Variants in UCKL1 observed in about 807,000 individuals in gnomAD.
The protein encoded by UCKL1 is uridine-cytidine kinase 1 like 1.
Under a neutral mutation model 59.2 loss-of-function variants are expected in UCKL1, and 65 were observed. That is an observed-to-expected ratio of 1.10 (90% CI 0.90 to 1.35). UCKL1 has a LOEUF of 1.35. Ranked by LOEUF, UCKL1 falls within the 40% of genes most tolerant of loss-of-function variation. The pLI, the probability that UCKL1 is intolerant of heterozygous loss-of-function variation, is 0.00. For synonymous variants in UCKL1, 410 were observed against 323.1 expected, an observed-to-expected ratio of 1.27 and a Z score of -2.88; for missense variants, 703 against 784.3, an observed-to-expected ratio of 0.90 and a Z score of 1.24.
In UCKL1 at chr20:63,940,904, C is replaced by A. The variant is rs1296420888; in HGVS notation, c.1116+46G>T. ...TCCGGTGAGCGCAGGGAGCTCGCAC[C>A]GGCTCCAAGACCCACCCTCCACCTC... On this transcript the variant is annotated intron_variant, in intron 10 of 14. Coordinates refer to ENST00000354216, the MANE Select transcript of UCKL1 (RefSeq NM_017859.4). 8 of 1,521,394 alleles carry A rather than the reference C, an allele frequency of 5.3e-6. No homozygotes were observed. In the South Asian group the frequency reaches 7.7e-5, roughly 15 times the overall value. The allele number at this position is 1,521,394 out of a possible 1,614,324, so 94.2% of individuals were successfully genotyped here. A position where few individuals can be genotyped will look rare whatever the true frequency, so the allele number is the denominator to read the frequency against.
In UCKL1 at chr20:63,946,145, C is replaced by T; in HGVS notation, c.411+16G>A. ...GAGGACAAAGGGGTCCTCGGGGGAG[C>T]TGGGCGGGGGCCCACCTTGTAGAAG... is the stretch of plus-strand genomic sequence containing the variant. On this transcript the variant is annotated intron_variant, in intron 3 of 14. Transcript: ENST00000354216. The T allele has an allele frequency of 6.2e-7, 1 of 1,610,714 alleles. No individual in the cohort carries two copies. The highest frequency in any genetic ancestry group is 1.3e-5 in the African/African-American group (1 of 75,002).
intron 8 of UCKL1, chr20:63,941,423 G>A (rs752644624): frequency 2.9e-6 from 2 of 686,754 alleles, no homozygotes; most frequent in Non-Finnish European, 2.5e-6. Flanking sequence ...GGCGAACAAC[G>A]GGGCAAGCTC....
rs751426980 is a variant in UCKL1 at position 63,944,741 on chromosome 20, G to C, written c.655-7C>G. ...AGATCTTCATGTCCAGGAGCTGGTGGAGACAGCGGGCCAGTGAGTGGCCAG... is the reference window on the plus strand; with the variant it reads ...AGATCTTCATGTCCAGGAGCTGGTGCAGACAGCGGGCCAGTGAGTGGCCAG... On this transcript the variant is annotated splice_region_variant and splice_polypyrimidine_tract_variant and intron_variant, in intron 5 of 14. Transcript: ENST00000354216. The C allele has an allele frequency of 6.2e-7, 1 of 1,611,956 alleles. No individual in the cohort carries two copies. Among genetic ancestry groups the C allele is most frequent in the South Asian group, 1.1e-5 (1 of 91,020 alleles).
rs532857933 is a variant in UCKL1 at position 63,953,689 on chromosome 20, C to A, written c.113+2571G>T. The A allele has an allele frequency of 2.6e-5, 4 of 151,944 alleles. No homozygotes were observed. The East Asian group carries it at 7.7e-4, about 29-fold the overall frequency. 9.4% of individuals were successfully genotyped at this position (151,944 alleles called of 1,614,324 possible). On this transcript the variant is annotated intron_variant, in intron 1 of 14. Coordinates refer to ENST00000354216, the MANE Select transcript of UCKL1 (RefSeq NM_017859.4). Reference sequence around the variant, plus strand: ...TGCACTCCAGCCCAGGACTCTATCTCCAAAAAAAAAAGAAAGGAAGAAAAA... The same window carrying A: ...TGCACTCCAGCCCAGGACTCTATCTACAAAAAAAAAAGAAAGGAAGAAAAA...
intron 8 of UCKL1, 154 bp from the exon 9 acceptor site, chr20:63,941,362 T>TG (rs1022448438): frequency 9.9e-6 from 12 of 1,213,048 alleles, no homozygotes; most frequent in African/African-American, 3.1e-5. Context: ...GGGGCTGAGC[T>TG]GGGGGGAGAC....
chr20:63,949,240 G>A (rs1316414579), intron 1 of UCKL1, among the ~76,000 whole-genome samples: 1 of 152,196 alleles, frequency 6.6e-6, no homozygotes, highest in Non-Finnish European at 1.5e-5. Flanking sequence ...GTCAGCAGCA[G>A]GGCTGAGCAC....
rs1204960125 is a variant in UCKL1, at chr20:63,946,142, G to T, written c.411+19C>A. The T allele has an allele frequency of 1.2e-6, 2 of 1,610,488 alleles. No individual in the cohort carries two copies. Among genetic ancestry groups the T allele is most frequent in the Admixed American group, 3.3e-5 (2 of 59,840 alleles). ...GGAGAGGACAAAGGGGTCCTCGGGG[G>T]AGCTGGGCGGGGGCCCACCTTGTAG... On this transcript the variant is annotated intron_variant, in intron 3 of 14. Coordinates refer to ENST00000354216, the MANE Select transcript of UCKL1 (RefSeq NM_017859.4).
rs200442949 is a variant in UCKL1, at chr20:63,941,664, CAA to C, written c.924-458_924-457del. 3.2e-3 allele frequency: 702 copies of C among 218,804 alleles called. 2 individuals carry two copies. The highest frequency in any genetic ancestry group is 0.016 in the African/African-American group (668 of 42,134). 13.6% of individuals were successfully genotyped at this position (218,804 alleles called of 1,614,324 possible). ...CTCCCCGAGGTGGTGCGCGGCCCCT[CAA>C]GAGAGGGGGGTGGGGGGCAAAGCTG... On this transcript the variant is annotated intron_variant, in intron 8 of 14. Transcript: ENST00000354216.
chr20:63,948,660 T>C (rs2057028507), intron 1 of UCKL1, among the ~76,000 whole-genome samples: 1 of 68,020 alleles, frequency 1.5e-5, no homozygotes, highest in Non-Finnish European at 3.0e-5. Context: ...GGGAGGGGCG[T>C]GTGTGAGAGG....
intron 5 of UCKL1, among the ~76,000 whole-genome samples, 166 bp from the exon 6 acceptor site, chr20:63,944,900 C>T (rs1427061617): frequency 1.3e-5 from 2 of 150,708 alleles, no homozygotes; most frequent in Admixed American, 6.6e-5. Flanking sequence ...GGTGTCTGCA[C>T]CTGGTCCGTG....
chr20:63,953,116 A>G (rs1228256741), intron 1 of UCKL1, among the ~76,000 whole-genome samples: 3 of 152,248 alleles, frequency 2.0e-5, no homozygotes, highest in Admixed American at 1.3e-4. Flanking sequence ...ACGGTGGCAC[A>G]TGCCTGTAAT....
chr20:63,945,961 C>T lies in UCKL1; in HGVS notation c.426G>A (p.Gln142=). ...MDSFYKVLTE[Q]QQEQAAHNNF... ...TGTTGTGTGCGGCCTGTTCCTGCTG[C>T]TGCTCAGTCAGCACCTGGTGGGGGA... The change falls in exon 4 of 15, where the codon CAG becomes CAA. Residue 142 remains glutamine, a synonymous_variant. Transcript: ENST00000354216. The T allele has an allele frequency of 6.2e-7, 1 of 1,613,820 alleles. No homozygotes were observed. Among genetic ancestry groups the T allele is most frequent in the South Asian group, 1.1e-5 (1 of 91,080 alleles).
intron 1 of UCKL1, among the ~76,000 whole-genome samples, chr20:63,952,149 G>T (rs1257749108): frequency 2.0e-5 from 3 of 152,318 alleles, no homozygotes; most frequent in Admixed American, 2.0e-4. Context: ...CACTTGGGAA[G>T]TGGGCAGGAG....
chr20:63,940,281 A>G lies in UCKL1; in HGVS notation c.1436T>C (p.Ile479Thr). 6.2e-7 allele frequency: 1 copy of G among 1,612,680 alleles called. No homozygotes were observed. The highest frequency in any genetic ancestry group is 8.5e-7 in the Non-Finnish European group (1 of 1,179,968). Residue 479 changes from isoleucine (I) to threonine (T), a missense_variant, in exon 14 of 15, where the codon ATC becomes ACC. Transcript: ENST00000354216. ...TGCCATGAGCAGCGACAGCAAAAAG[A>G]TCTTGTCCTCAGGCACGTCGTGGTC... is the stretch of plus-strand genomic sequence containing the variant. ...LLDHDVPEDK[I>T]FLLSLLMAEM...
chr20:63,940,576 C>T lies in UCKL1; in HGVS notation c.1302+18G>A, dbSNP rs746620326. The T allele has an allele frequency of 6.2e-7, 1 of 1,606,242 alleles. No individual in the cohort carries two copies. The highest frequency in any genetic ancestry group is 1.7e-5 in the Admixed American group (1 of 59,942). On this transcript the variant is annotated intron_variant, in intron 12 of 14. Coordinates refer to ENST00000354216, the MANE Select transcript of UCKL1 (RefSeq NM_017859.4). ...GCCCCCTACCCCCGGGCTCATCACC[C>T]CGGCTGCCCCCAGGCACCTCGGGCT...
intron 1 of UCKL1, among the ~76,000 whole-genome samples, chr20:63,946,951 G>C (rs920797443): frequency 5.9e-5 from 9 of 152,126 alleles, no homozygotes; most frequent in Non-Finnish European, 1.0e-4. Flanking sequence ...GGGTGCGGTG[G>C]TGGGTGCCTG....
rs1332047759 is a variant in UCKL1 at position 63,945,786 on chromosome 20, C to G, written c.582+19G>C. 6.2e-7 allele frequency: 1 copy of G among 1,613,182 alleles called. No homozygotes were observed. The highest frequency in any genetic ancestry group is 1.3e-5 in the African/African-American group (1 of 74,928). On this transcript the variant is annotated intron_variant, in intron 4 of 14. Coordinates refer to ENST00000354216, the MANE Select transcript of UCKL1 (RefSeq NM_017859.4). ...TGCCTGCAGCCCCCCGAGGCCCCCT[C>G]TGCAGGGCCCTGGCCTACCCAGTCC...
At chr20:63,940,517 G>T in intron 12 of UCKL1, 32 bp from the exon 13 acceptor site, 1 of 1,605,288 alleles carries the variant, frequency 6.2e-7, no homozygotes, top group Middle Eastern at 1.7e-4. Flanking sequence ...CTGCAGGTGG[G>T]GCTCCCTGCG....
rs2054248091 is a variant in UCKL1 at position 63,941,048 on chromosome 20, G to A, written c.1023-5C>T. ...TCGCGACTGGTCTCCTTGTCCCTGT[G>A]GGGCCAACAGTTGAGCGGGAGCACG... On this transcript the variant is annotated splice_polypyrimidine_tract_variant and splice_region_variant and intron_variant, in intron 9 of 14. Coordinates refer to ENST00000354216, the MANE Select transcript of UCKL1 (RefSeq NM_017859.4). 1.3e-6 allele frequency: 2 copies of A among 1,586,494 alleles called. No individual in the cohort carries two copies. Among genetic ancestry groups the A allele is most frequent in the Non-Finnish European group, 1.7e-6 (2 of 1,168,918 alleles).
Sources: gnomAD v4.1 joint callset for allele counts (sites outside exome capture counted in the v4.1 genomes callset) on GRCh38, gnomAD v4.1.1 for gene constraint, MANE v1.5 for transcripts, NCBI Gene and HGNC (gene_info 2026-07-23, HGNC 2026-07-21) for gene names.